DGUOK: variants seen among roughly 807,000 people sequenced by gnomAD.
The protein encoded by DGUOK is deoxyguanosine kinase.
In DGUOK, 30 loss-of-function variants were observed where a neutral mutation model predicts 36.6. The ratio of observed to expected loss-of-function variants is 0.82; its 90% CI spans 0.61 to 1.11. The LOEUF (loss-of-function observed/expected upper bound fraction) is 1.11. Among genes scored for constraint, DGUOK ranks in the 50% most tolerant of loss-of-function variants. The pLI is 0.00. For missense variants in DGUOK, 361 were observed against 336.4 expected, an observed-to-expected ratio of 1.07 and a Z score of -0.57; for synonymous variants, 145 against 126.3, an observed-to-expected ratio of 1.15 and a Z score of -0.99.
chr2:73,937,837 A>G (rs1183955932), intron 1 of DGUOK, among the ~76,000 whole-genome samples: 2 of 152,088 alleles, frequency 1.3e-5, no homozygotes, highest in Non-Finnish European at 1.5e-5. Context: ...TCTCGAAACA[A>G]CCACTACTTT....
chr2:73,936,088 AT>A (rs1681440970), intron 1 of DGUOK, among the ~76,000 whole-genome samples: 1 of 152,232 alleles, frequency 6.6e-6, no homozygotes, highest in African/African-American at 2.4e-5. Flanking sequence ...TTATCTTTTC[AT>A]TTAATTAAAA....
intron 1 of DGUOK, among the ~76,000 whole-genome samples, chr2:73,935,479 A>G (rs1001574749): frequency 1.3e-5 from 2 of 150,826 alleles, no homozygotes; most frequent in Admixed American, 6.6e-5. Flanking sequence ...GCAAGAAGGG[A>G]AAAAAAAAAT....
chr2:73,942,289 CCTT>C (rs780215844), intron 2 of DGUOK, among the ~76,000 whole-genome samples: 3 of 152,086 alleles, frequency 2.0e-5, no homozygotes, highest in Non-Finnish European at 2.9e-5. Context: ...TCTAACCTGT[CCTT>C]CTTTTTCCTC....
rs1683319446 is a variant in DGUOK, at chr2:73,958,709, GGTAAACACCTTT to G, written c.813_824del (p.Asn271_Val274del). 1 of 1,611,384 alleles carries G rather than the reference GGTAAACACCTTT, an allele frequency of 6.2e-7. No individual in the cohort carries two copies. Among genetic ancestry groups the G allele is most frequent in the Non-Finnish European group, 8.5e-7 (1 of 1,177,498 alleles). On this transcript the variant is annotated inframe_deletion and splice_region_variant, in exon 7 of 7. Coordinates refer to ENST00000264093, the MANE Select transcript of DGUOK (RefSeq NM_080916.3). Reference sequence around the variant, plus strand: ...AACTTCTGATTTTCTCCTTCCCACAGGTAAACACCTTTGTAAAGAATCTGTAACCAATACCAT... The same window carrying G: ...AACTTCTGATTTTCTCCTTCCCACAGGTAAAGAATCTGTAACCAATACCAT...
chr2:73,957,292 C>A, intron 5 of DGUOK, 52 bp downstream of exon 5: 2 of 1,421,260 alleles, frequency 1.4e-6, no homozygotes, highest in Non-Finnish European at 2.0e-6. Flanking sequence ...CTCCCAACAG[C>A]CAGTTGTTAA....
At position 73,926,995 on chromosome 2, in the gene DGUOK, T is replaced by C. The variant is rs1204952716; in HGVS notation, c.85T>C (p.Ser29Pro). The part of the protein sequence containing the change: ...AKSPLEGVSS[S>P]RGLHAGRGPR... The stretch of plus-strand genomic sequence containing the variant: ...GAGCCCACTCGAGGGCGTTTCCTCC[T>C]CCAGAGGCCTGCACGCGGGGCGCGG... Residue 29 changes from serine (S) to proline (P), a missense_variant, in exon 1 of 7, where the codon TCC (serine) becomes CCC (proline). Physicochemically the swap from Ser to Pro is moderately conservative, Grantham distance 74. Coordinates refer to ENST00000264093, the MANE Select transcript of DGUOK (RefSeq NM_080916.3). 1.2e-6 allele frequency: 2 copies of C among 1,612,110 alleles called. No homozygotes were observed. Among genetic ancestry groups the C allele is most frequent in the Admixed American group, 1.7e-5 (1 of 60,020 alleles).
Position 73,958,714 on chromosome 2 carries a change from A to AT in DGUOK, c.812_813insT (p.Thr272HisfsTer16). 1 of 1,611,966 alleles carries AT rather than the reference A, an allele frequency of 6.2e-7. No homozygotes were observed. The highest frequency in any genetic ancestry group is 8.5e-7 in the Non-Finnish European group (1 of 1,177,992). ...CTGATTTTCTCCTTCCCACAGGTAAACACCTTTGTAAAGAATCTGTAACCA... is the reference window on the plus strand; with the variant it reads ...CTGATTTTCTCCTTCCCACAGGTAAATCACCTTTGTAAAGAATCTGTAACCA... On this transcript the variant is annotated frameshift_variant, in exon 7 of 7. Transcript: ENST00000264093. LOFTEE classifies it high-confidence loss of function.
At chr2:73,958,387 C>A in intron 6 of DGUOK, 142 bp downstream of exon 6, 1 of 726,170 alleles carries the variant, frequency 1.4e-6, no homozygotes, top group Non-Finnish European at 2.5e-6. Flanking sequence ...CCTATGGAAT[C>A]TTGTGCAGAT....
intron 3 of DGUOK, among the ~76,000 whole-genome samples, chr2:73,949,664 A>G (rs943041416): frequency 6.6e-6 from 1 of 152,342 alleles, no homozygotes; most frequent in South Asian, 2.1e-4. Context: ...TTCCTGAGCC[A>G]TCATACACAA....
chr2:73,950,949 G>C (rs916101023), intron 4 of DGUOK, among the ~76,000 whole-genome samples: 2 of 152,136 alleles, frequency 1.3e-5, no homozygotes, highest in Non-Finnish European at 2.9e-5. Flanking sequence ...ATGCATAAAA[G>C]GATTGCTGTT....
At chr2:73,950,530 T>G in intron 3 of DGUOK, 55 bp from the exon 4 acceptor site, 2 of 1,592,128 alleles carry the variant, frequency 1.3e-6, no homozygotes, top group Non-Finnish European at 1.7e-6. Flanking sequence ...TCTCGTGCCT[T>G]TCATTCCATT....
intron 4 of DGUOK, among the ~76,000 whole-genome samples, chr2:73,952,663 C>G (rs542607631): frequency 1.3e-5 from 2 of 152,152 alleles, no homozygotes; most frequent in Non-Finnish European, 2.9e-5. Context: ...TCCAAGAGAA[C>G]AGCACATTCA....
intron 4 of DGUOK, among the ~76,000 whole-genome samples, chr2:73,954,941 G>A (rs868024499): frequency 6.6e-6 from 1 of 152,148 alleles, no homozygotes; most frequent in African/African-American, 2.4e-5. Context: ...CTGTTTGCAC[G>A]GGATTTTTTT....
intron 5 of DGUOK, 56 bp downstream of exon 5, chr2:73,957,296 T>G: frequency 7.2e-7 from 1 of 1,391,676 alleles, no homozygotes; most frequent in African/African-American, 1.4e-5. Flanking sequence ...CAACAGCCAG[T>G]TGTTAAAAAC....
chr2:73,958,065 G>A, intron 5 of DGUOK, 81 bp from the exon 6 acceptor site: 3 of 1,076,618 alleles, frequency 2.8e-6, no homozygotes, highest in Non-Finnish European at 4.3e-6. Context: ...TGTTCTCTGA[G>A]TAAGACTTGG....
chr2:73,947,112 A>G, intron 3 of DGUOK: 3 of 611,910 alleles, frequency 4.9e-6, no homozygotes, highest in South Asian at 1.8e-5. Flanking sequence ...TGGGTTTTTC[A>G]TCAACTGAAT....
intron 2 of DGUOK, among the ~76,000 whole-genome samples, chr2:73,945,996 A>G (rs1189432272): frequency 6.7e-6 from 1 of 150,260 alleles, no homozygotes; most frequent in African/African-American, 2.5e-5. Context: ...GGGAGGTTGC[A>G]GTGAGCTGAG....
intron 4 of DGUOK, among the ~76,000 whole-genome samples, chr2:73,952,663 C>T (rs542607631): frequency 3.3e-5 from 5 of 152,152 alleles, no homozygotes; most frequent in Admixed American, 1.3e-4. Context: ...TCCAAGAGAA[C>T]AGCACATTCA....
intron 4 of DGUOK, among the ~76,000 whole-genome samples, chr2:73,954,126 G>C (rs1286554283): frequency 6.6e-6 from 1 of 152,074 alleles, no homozygotes; most frequent in Non-Finnish European, 1.5e-5. Flanking sequence ...AGGACTGCTT[G>C]AGCCCAGGAG....
Sources: gnomAD v4.1 joint callset for allele counts (sites outside exome capture counted in the v4.1 genomes callset) on GRCh38, gnomAD v4.1.1 for gene constraint, MANE v1.5 for transcripts, NCBI Gene and HGNC (gene_info 2026-07-23, HGNC 2026-07-21) for gene names.